The following ARHGEF1 variants were observed in gnomAD, a reference collection of about 807,000 sequenced individuals.
ARHGEF1 encodes Rho guanine nucleotide exchange factor 1.
A neutral mutation model predicts 119.7 loss-of-function variants in ARHGEF1; 40 were observed. The ratio of observed to expected loss-of-function variants is 0.33; its 90% confidence interval spans 0.26 to 0.44. The LOEUF (loss-of-function observed/expected upper bound fraction) is 0.44, where lower values mean the gene tolerates loss of function less well. Among genes scored for constraint, ARHGEF1 ranks in the 20% least tolerant of loss-of-function variants. The probability of loss-of-function intolerance (pLI) is 1.00; values close to 1 mark genes in which losing one functional copy is unlikely to be tolerated. For missense variants in ARHGEF1, 976 were observed against 1,268.3 expected (o/e 0.77, Z 3.50); for synonymous variants, 494 against 521.0 (o/e 0.95, Z 0.71).
At chr19:41,896,676 C>T (rs1478547759) in intron 13 of ARHGEF1, 194 bp downstream of exon 13, 2 of 700,482 alleles carry the variant, frequency 2.9e-6, no homozygotes, top group South Asian at 1.5e-5. Context: ...TCCTCATTGC[C>T]CCCCTTTCCT....
chr19:41,905,891 A>C lies in ARHGEF1; in HGVS notation c.2405-48A>C, dbSNP rs782381250. The C allele has an allele frequency of 2.0e-5, 33 of 1,612,636 alleles. No individual in the cohort carries two copies. The highest frequency in any genetic ancestry group is 2.6e-5 in the Non-Finnish European group (31 of 1,178,766). ...GGCTGCCGGGTGAAGAGAGGCATCC[A>C]CAGGAGGCCCGGCAGGATCTGAGCT... is the stretch of plus-strand genomic sequence containing the variant. On this transcript the variant is annotated intron_variant, in intron 25 of 28. Coordinates refer to ENST00000354532, the MANE Select transcript of ARHGEF1 (RefSeq NM_004706.4). The surrounding 1 kb of genome is among the most constrained non-coding windows in gnomAD (Gnocchi z 6.4).
rs2074493137 is a variant in ARHGEF1 at position 41,896,655 on chromosome 19, T to C, written c.1121+173T>C. ...TCCCTTCTTCTTTCCTTTTCTCATC[T>C]CCCTCCTGCTTCCTCATTGCCCCCC... is the stretch of plus-strand genomic sequence containing the variant. On this transcript the variant is annotated intron_variant, in intron 13 of 28. Transcript: ENST00000354532. The C allele has an allele frequency of 4.2e-6, 3 of 705,942 alleles. 1 individual carries two copies. In the South Asian group the frequency reaches 4.5e-5, roughly 11 times the overall value. The allele number at this position is 705,942 out of a possible 1,614,324, so 43.7% of individuals were successfully genotyped here.
Position 41,905,366 on chromosome 19 carries a change from T to G in ARHGEF1, c.2336+105T>G. On this transcript the variant is annotated intron_variant, in intron 24 of 28. Transcript: ENST00000354532. This position sits in a 1 kb window ranked among gnomAD's most constrained non-coding sequence, Gnocchi z 6.4. Reference sequence around the variant, plus strand: ...AACCGTCTCTGTGTGAGCATGCACATGTGTGAATGCATGTGTGTGCATACA... The same window carrying G: ...AACCGTCTCTGTGTGAGCATGCACAGGTGTGAATGCATGTGTGTGCATACA... 1 of 979,886 alleles carries G rather than the reference T, an allele frequency of 1.0e-6. No homozygotes were observed. Among genetic ancestry groups the G allele is most frequent in the Non-Finnish European group, 1.5e-6 (1 of 655,936 alleles). The allele number at this position is 979,886 out of a possible 1,614,324, so 60.7% of individuals were successfully genotyped here.
intron 4 of ARHGEF1, chr19:41,890,145 A>AT (rs1334669993): frequency 2.0e-5 from 3 of 152,216 alleles, no homozygotes; most frequent in South Asian, 4.1e-4. Context: ...ATTTTGCTAT[A>AT]TTTGGGGGGT....
In ARHGEF1 at chr19:41,895,367, C is replaced by T. The variant is rs377228645; in HGVS notation, c.896C>T (p.Thr299Ile). 3 of 1,611,102 alleles carry T rather than the reference C, an allele frequency of 1.9e-6. No individual in the cohort carries two copies. The highest frequency in any genetic ancestry group is 2.5e-6 in the Non-Finnish European group (3 of 1,178,662). ...TCCCCAGCCGAGAAGCCAGGTGCTA[C>T]AGACCGGAAGGGAGGCGTGGGGATG... is the stretch of plus-strand genomic sequence containing the variant. ...AEVDAEKPGA[T>I]DRKGGVGMPS... The change falls in exon 12 of 29, where the codon ACA (threonine) becomes ATA (isoleucine). Residue 299 changes from threonine to isoleucine, a missense_variant. Around this residue, in one of 3 missense-constraint regions of ARHGEF1, gnomAD observed 519 missense variants for 580.9 expected, o/e 0.89. Transcript: ENST00000354532.
At position 41,884,490 on chromosome 19, in the gene ARHGEF1, G is replaced by C. The variant is rs1555844917; in HGVS notation, c.-20+1201G>C. ...GCGATGGCTTCTCTTTCCACCTGGA[G>C]CAGGTGAGGGACGCGGTCCCCAGCG... is the stretch of plus-strand genomic sequence containing the variant. On this transcript the variant is annotated intron_variant, in intron 1 of 28. Transcript: ENST00000354532. The C allele has an allele frequency of 5.6e-6, 9 of 1,607,460 alleles. No homozygotes were observed. Among genetic ancestry groups the C allele is most frequent in the Admixed American group, 3.3e-5 (2 of 59,986 alleles).
rs74614446 is a variant in ARHGEF1 at position 41,925,470 on chromosome 19, G to A, written c.140+2237G>A. On this transcript the variant is annotated intron_variant, in intron 1 of 2. Transcript: ENST00000594417. ...AATGTTGTGTATAGTGAGAGACAGT[G>A]AGAGACCAGGAGAGGCAAAGACAGT... Among the ~76,000 whole-genome samples, 779 of 152,238 alleles carry A rather than the reference G, an allele frequency of 5.1e-3. 3 individuals carry two copies. Among genetic ancestry groups the A allele is most frequent in the Admixed American group, 8.2e-3 (126 of 15,310 alleles).
rs535771830 is a variant in ARHGEF1 at position 41,893,930 on chromosome 19, G to A, written c.645-277G>A. 1.9e-3 allele frequency among the ~76,000 whole-genome samples: 280 copies of A among 144,990 alleles called. 2 individuals are homozygous for A. Among genetic ancestry groups the A allele is most frequent in the African/African-American group, 6.4e-3 (249 of 39,096 alleles). On this transcript the variant is annotated intron_variant, in intron 8 of 28. Transcript: ENST00000354532. ...GGACTCCTGGGTCTGAGGGAGGAGG[G>A]GGCTGGGGGCCTGGACTCCTGGGTC...
chr19:41,918,497 AT>A (rs1490466700), upstream of ARHGEF1, among the ~76,000 whole-genome samples: 6 of 142,786 alleles, frequency 4.2e-5, no homozygotes, highest in African/African-American at 1.6e-4. Flanking sequence ...CCACACACAC[AT>A]CACACACACA....
downstream of ARHGEF1, among the ~76,000 whole-genome samples, chr19:41,912,451 G>A (rs984879307): frequency 6.6e-6 from 1 of 152,196 alleles, no homozygotes; most frequent in Non-Finnish European, 1.5e-5. Context: ...CCCTGACTGG[G>A]CAGTGCCGTC....
At chr19:41,885,361 G>A (rs2074277896) in intron 1 of ARHGEF1, among the ~76,000 whole-genome samples, 1 of 152,244 alleles carries the variant, frequency 6.6e-6, no homozygotes, top group African/African-American at 2.4e-5. Flanking sequence ...AAGAAGACAT[G>A]ATGTGTCTCA....
downstream of ARHGEF1, chr19:41,909,079 A>C: frequency 8.1e-7 from 1 of 1,231,538 alleles, no homozygotes; most frequent in Non-Finnish European, 1.0e-6. This position sits in a 1 kb window ranked among gnomAD's most constrained non-coding sequence, Gnocchi z 5.2. Context: ...GGAATGGGAA[A>C]GGGCTGTCCA....
At chr19:41,908,115 G>T, downstream of ARHGEF1, 1 of 825,132 alleles carries the variant, frequency 1.2e-6, no homozygotes, top group Non-Finnish European at 1.6e-6. This position sits in a 1 kb window ranked among gnomAD's most constrained non-coding sequence, Gnocchi z 6.7. Context: ...GCAGCAATGT[G>T]CCCAGACCTG....
At chr19:41,896,563 G>C (rs2074491249) in intron 13 of ARHGEF1, 81 bp downstream of exon 13, 3 of 1,102,134 alleles carry the variant, frequency 2.7e-6, no homozygotes, top group African/African-American at 1.6e-5. Context: ...GCTGCCATCT[G>C]TGCCTGCCTG....
chr19:41,894,574 C>G, intron 10 of ARHGEF1, 27 bp downstream of exon 10: 1 of 1,613,974 alleles, frequency 6.2e-7, no homozygotes, highest in Non-Finnish European at 8.5e-7. Flanking sequence ...CTCTGCCCTC[C>G]CCTGTCTTCC....
chr19:41,907,444 C>G lies in ARHGEF1; in HGVS notation c.*357C>G. ...AGGTTTATTTTTTAATATATATTAT[C>G]TAAGAAGAGATCTGTGTGTGTGATG... On this transcript the variant is annotated 3_prime_UTR_variant, in exon 29 of 29. Coordinates refer to ENST00000354532, the MANE Select transcript of ARHGEF1 (RefSeq NM_004706.4). 2.6e-6 allele frequency: 4 copies of G among 1,510,596 alleles called. No homozygotes were observed. The highest frequency in any genetic ancestry group is 3.5e-6 in the Non-Finnish European group (4 of 1,132,668). The allele number at this position is 1,510,596 out of a possible 1,614,324, so 93.6% of individuals were successfully genotyped here. A position where few individuals can be genotyped will look rare whatever the true frequency, so the allele number is the denominator to read the frequency against.
chr19:41,918,615 C>T (rs1002849705), upstream of ARHGEF1, among the ~76,000 whole-genome samples: 69 of 148,380 alleles, frequency 4.7e-4, 1 homozygote, highest in African/African-American at 1.7e-3. Context: ...ACAAACCACA[C>T]ACACCACATC....
rs920186407 is a variant in ARHGEF1, at chr19:41,916,162, C to T, written c.1866-6930C>T. 2.6e-5 allele frequency among the ~76,000 whole-genome samples: 4 copies of T among 152,064 alleles called. No homozygotes were observed. Among genetic ancestry groups the T allele is most frequent in the South Asian group, 2.1e-4 (1 of 4,830 alleles). On this transcript the variant is annotated intron_variant, in intron 18 of 20. Coordinates refer to the ARHGEF1 transcript ENST00000599589. This position sits in a 1 kb window ranked among gnomAD's most constrained non-coding sequence, Gnocchi z 5.4. ...CCAAGCACAACCACACAGACCCACA[C>T]ACCAACCCAGGCACGCACACCACCA...
rs2074650249 is a variant in ARHGEF1 at position 41,904,038 on chromosome 19, C to A, written c.1921C>A (p.Leu641Met). The change falls in exon 21 of 29, where the codon CTG (leucine) becomes ATG (methionine). Residue 641 changes from leucine to methionine, a missense_variant. By Grantham distance (15) the Leu-to-Met change is conservative (BLOSUM62 2). Around this residue, in one of 3 missense-constraint regions of ARHGEF1, gnomAD observed 286 missense variants for 506.8 expected, o/e 0.56. Coordinates refer to ENST00000354532, the MANE Select transcript of ARHGEF1 (RefSeq NM_004706.4). The surrounding 1 kb of genome is among the most constrained non-coding windows in gnomAD (Gnocchi z 8.4). ...CCATCACCCCCTCCTGCCCCAGAAC[C>A]TGGACATCACCAAGAAGAAATTGGT... ...SDPMLSEFKN[L>M]DITKKKLVHE... 1 of 1,614,026 alleles carries A rather than the reference C, an allele frequency of 6.2e-7. No homozygotes were observed. Among genetic ancestry groups the A allele is most frequent in the African/African-American group, 1.3e-5 (1 of 74,940 alleles).
Sources: allele counts gnomAD v4.1 joint callset (sites outside exome capture counted in the v4.1 genomes callset), GRCh38; gene constraint gnomAD v4.1.1; regional missense constraint gnomAD v4.1.1; non-coding constraint Gnocchi (gnomAD v3.1); transcripts MANE v1.5; gene names NCBI Gene and HGNC (gene_info 2026-07-23, HGNC 2026-07-21).